The following FAM13A variants were observed in gnomAD, a reference collection of about 807,000 sequenced individuals.
FAM13A encodes the protein protein FAM13A.
A neutral mutation model predicts 129.6 loss-of-function variants in FAM13A; 76 were observed. The ratio of observed to expected loss-of-function variants is 0.59; its 90% CI spans 0.49 to 0.71. The LOEUF (loss-of-function observed/expected upper bound fraction) is 0.71, where lower values mean the gene tolerates loss of function less well. Ranked by LOEUF, FAM13A falls within the 30% of genes least tolerant of loss-of-function variation. The pLI is 0.00. For synonymous variants in FAM13A, 443 were observed against 449.9 expected, an observed-to-expected ratio of 0.98 and a Z score of 0.20; for missense variants, 1,108 against 1,249.3, an observed-to-expected ratio of 0.89 and a Z score of 1.70.
chr4:88,748,491 T>G (rs989575706), intron 17 of FAM13A, among the ~76,000 whole-genome samples: 4 of 152,202 alleles, frequency 2.6e-5, no homozygotes, highest in Non-Finnish European at 5.9e-5. Context: ...ACCTTTTCTG[T>G]ATGACTTACA....
intron 17 of FAM13A, among the ~76,000 whole-genome samples, chr4:88,748,193 GAT>G (rs1259595986): frequency 2.6e-5 from 4 of 152,130 alleles, no homozygotes; most frequent in Admixed American, 6.5e-5. Flanking sequence ...CGCCCGGCCT[GAT>G]ATATGAGATT....
chr4:88,930,092 T>C (rs1752808995), intron 5 of FAM13A, among the ~76,000 whole-genome samples: 1 of 152,122 alleles, frequency 6.6e-6, no homozygotes, highest in African/African-American at 2.4e-5. Context: ...CCTGAATTGA[T>C]TTTCTGATTT....
chr4:88,846,764 A>C (rs1736711319), intron 7 of FAM13A, among the ~76,000 whole-genome samples: 1 of 152,214 alleles, frequency 6.6e-6, no homozygotes, highest in Admixed American at 6.5e-5. Context: ...TTACCATTTA[A>C]GACTAGGACA....
At chr4:88,994,111 T>C (rs1262702757) in intron 3 of FAM13A, among the ~76,000 whole-genome samples, 1 of 152,206 alleles carries the variant, frequency 6.6e-6, no homozygotes, top group Non-Finnish European at 1.5e-5. Context: ...GCATTTTTGT[T>C]TCCTGTGATG....
At chr4:88,876,278 C>G (rs1742463050) in intron 6 of FAM13A, among the ~76,000 whole-genome samples, 1 of 151,908 alleles carries the variant, frequency 6.6e-6, no homozygotes. Context: ...TACCCTAGAA[C>G]TTAAAAGTAT....
At chr4:88,784,033 ATAAG>A (rs1386222378) in intron 10 of FAM13A, among the ~76,000 whole-genome samples, 1 of 152,210 alleles carries the variant, frequency 6.6e-6, no homozygotes, top group African/African-American at 2.4e-5. Flanking sequence ...ATTTTTAAAA[ATAAG>A]AAAGTAAAGT....
At chr4:89,053,884 G>C (rs373288242) in intron 1 of FAM13A, among the ~76,000 whole-genome samples, 10 of 152,028 alleles carry the variant, frequency 6.6e-5, no homozygotes, top group African/African-American at 2.4e-4. Flanking sequence ...ATGCCACATT[G>C]GATAGAACAG....
At chr4:89,020,411 C>G in intron 3 of FAM13A, 49 bp downstream of exon 3, 2 of 1,410,336 alleles carry the variant, frequency 1.4e-6, no homozygotes, top group Non-Finnish European at 2.0e-6. Context: ...GCCACCGTGC[C>G]CAGCCTAGTA....
intron 6 of FAM13A, among the ~76,000 whole-genome samples, chr4:88,879,967 A>G (rs1282489551): frequency 6.6e-6 from 1 of 152,244 alleles, no homozygotes; most frequent in Non-Finnish European, 1.5e-5. Context: ...TAATGAAGTA[A>G]TATGAGAAGT....
At chr4:89,041,397 T>C (rs193054910) in intron 1 of FAM13A, among the ~76,000 whole-genome samples, 11 of 152,302 alleles carry the variant, frequency 7.2e-5, no homozygotes, top group South Asian at 2.1e-4. Flanking sequence ...GAGAGTTTAA[T>C]TAACCCATTT....
chr4:88,920,679 C>A (rs1244413271), intron 5 of FAM13A, among the ~76,000 whole-genome samples: 1 of 152,190 alleles, frequency 6.6e-6, no homozygotes, highest in Non-Finnish European at 1.5e-5. Context: ...TCCTCACCAG[C>A]AACGGAACAA....
chr4:88,993,659 G>C (rs1427433691), intron 3 of FAM13A, among the ~76,000 whole-genome samples: 3 of 152,160 alleles, frequency 2.0e-5, no homozygotes, highest in Non-Finnish European at 4.4e-5. Flanking sequence ...CAATGGGAAG[G>C]GAGACGGATG....
Position 88,908,041 on chromosome 4 carries a change from C to T in FAM13A, c.760-1579G>A, listed in dbSNP as rs372496004. On this transcript the variant is annotated intron_variant, in intron 5 of 23. Coordinates refer to ENST00000264344, the MANE Select transcript of FAM13A (RefSeq NM_014883.4). Reference sequence around the variant, plus strand: ...ATGCATAGGGGATTGGAAGCCTCTTCTAAGCTGGGGAGTAGCTGCAGGTAC... The same window carrying T: ...ATGCATAGGGGATTGGAAGCCTCTTTTAAGCTGGGGAGTAGCTGCAGGTAC... Among the ~76,000 whole-genome samples the T allele has an allele frequency of 1.8e-4, 28 of 152,370 alleles. 1 individual carries two copies. The East Asian group carries it at 5.2e-3, about 28-fold the overall frequency.
intron 2 of FAM13A, among the ~76,000 whole-genome samples, chr4:89,022,736 A>G (rs1449155583): frequency 2.0e-5 from 3 of 152,102 alleles, no homozygotes; most frequent in African/African-American, 7.2e-5. Flanking sequence ...ACAATCCATC[A>G]TGCTTCTCTC....
chr4:89,015,462 T>G (rs574686114), intron 3 of FAM13A, among the ~76,000 whole-genome samples: 1 of 152,234 alleles, frequency 6.6e-6, no homozygotes, highest in Non-Finnish European at 1.5e-5. Context: ...CTCTTTGTAC[T>G]CTTTCCCTTT....
At chr4:89,025,292 C>T (rs1400298180) in intron 2 of FAM13A, among the ~76,000 whole-genome samples, 1 of 114,888 alleles carries the variant, frequency 8.7e-6, no homozygotes, top group South Asian at 3.2e-4. Flanking sequence ...GAGTCTCGCT[C>T]TGTCGCCCAG....
chr4:88,774,210 C>T (rs996714372), intron 11 of FAM13A, among the ~76,000 whole-genome samples: 37 of 152,188 alleles, frequency 2.4e-4, no homozygotes, highest in African/African-American at 8.0e-4. Context: ...ATGTCCTCTA[C>T]GATATCGATC....
At chr4:88,896,547 G>A (rs552658078) in intron 6 of FAM13A, among the ~76,000 whole-genome samples, 3 of 152,136 alleles carry the variant, frequency 2.0e-5, no homozygotes, top group Admixed American at 1.3e-4. Flanking sequence ...CTTTGCACAG[G>A]CATTTTTAAA....
intron 21 of FAM13A, among the ~76,000 whole-genome samples, chr4:88,733,399 G>A (rs563482155): frequency 1.3e-5 from 2 of 152,334 alleles, no homozygotes; most frequent in East Asian, 1.9e-4. Context: ...CAGACCTTGA[G>A]TCTCTTTAAA....
Sources: gnomAD v4.1 joint callset for allele counts (sites outside exome capture counted in the v4.1 genomes callset) on GRCh38, gnomAD v4.1.1 for gene constraint, MANE v1.5 for transcripts, NCBI Gene and HGNC (gene_info 2026-07-23, HGNC 2026-07-21) for gene names.